Variants in IL4R observed in about 807,000 individuals in gnomAD.
The protein encoded by IL4R is interleukin 4 receptor, also known as interleukin-4 receptor subunit alpha.
Under a neutral mutation model 41.5 loss-of-function variants are expected in IL4R, and 17 were observed. The ratio of observed to expected loss-of-function variants is 0.41; its 90% confidence interval spans 0.28 to 0.61. The LOEUF (loss-of-function observed/expected upper bound fraction) is 0.61. Among genes scored for constraint, IL4R ranks in the 20% least tolerant of loss-of-function variants. IL4R has a pLI of 0.31. For synonymous variants in IL4R, 402 were observed against 422.9 expected (o/e 0.95, Z 0.61); for missense variants, 974 against 1,043.1 (o/e 0.93, Z 0.91).
At position 27,363,262 on chromosome 16, in the gene IL4R, T is replaced by C. The variant is rs1341472995; in HGVS notation, c.1910T>C (p.Leu637Pro). ...GEEGYKPFQD[L>P]IPGCPGDPAP... is the part of the protein sequence containing the mutation. ...GAGGGGTATAAGCCTTTCCAAGACCTCATTCCTGGCTGCCCTGGGGACCCT... is the reference window on the plus strand; with the variant it reads ...GAGGGGTATAAGCCTTTCCAAGACCCCATTCCTGGCTGCCCTGGGGACCCT... Residue 637 changes from leucine to proline, a missense_variant, in exon 11 of 11, where the codon CTC becomes CCC. Physicochemically the swap from Leu to Pro is moderately conservative, Grantham distance 98. Around this residue, in one of 3 missense-constraint regions of IL4R, gnomAD observed 682 missense variants for 704.3 expected, o/e 0.97. Coordinates refer to ENST00000395762, the MANE Select transcript of IL4R (RefSeq NM_000418.4). The C allele has an allele frequency of 6.2e-7, 1 of 1,602,094 alleles. No individual in the cohort carries two copies.
At chr16:27,341,586 G>A (rs1326490981) in intron 3 of IL4R, among the ~76,000 whole-genome samples, 2 of 152,088 alleles carry the variant, frequency 1.3e-5, no homozygotes, top group African/African-American at 2.4e-5. Flanking sequence ...GAAGGACCCC[G>A]ATGTCTCCTC....
intron 1 of IL4R, among the ~76,000 whole-genome samples, chr16:27,320,079 C>A (rs1033641209): frequency 6.6e-6 from 1 of 152,092 alleles, no homozygotes; most frequent in African/African-American, 2.4e-5. Context: ...GTTGGCCAGG[C>A]TGGTGTCGAA....
intron 2 of IL4R, 62 bp downstream of exon 2, chr16:27,330,260 G>T (rs1355664472): frequency 6.6e-6 from 1 of 151,750 alleles, no homozygotes; most frequent in East Asian, 1.9e-4. Context: ...ATGGTGGCTT[G>T]CCTGTAGTCC....
Position 27,362,668 on chromosome 16 carries a change from C to T in IL4R, c.1316C>T (p.Thr439Met), listed in dbSNP as rs770280409. Reference sequence around the variant, plus strand: ...TGCCTTCTTCCACCTTCGGGAAGTACGAGTGCTCACATGCCCTGGGATGAG... The same window carrying T: ...TGCCTTCTTCCACCTTCGGGAAGTATGAGTGCTCACATGCCCTGGGATGAG... Reference protein sequence around the residue: ...ESCLLPPSGSTSAHMPWDEFP... With the variant: ...ESCLLPPSGSMSAHMPWDEFP... The change falls in exon 11 of 11, where the codon ACG (threonine) becomes ATG (methionine). Residue 439 changes from threonine to methionine, a missense_variant. Transcript: ENST00000395762. 26 of 1,613,984 alleles carry T rather than the reference C, an allele frequency of 1.6e-5. No homozygotes were observed. Among genetic ancestry groups the T allele is most frequent in the Admixed American group, 1.7e-5 (1 of 60,000 alleles).
At chr16:27,354,652 T>C (rs987042413) in intron 7 of IL4R, among the ~76,000 whole-genome samples, 50 of 152,156 alleles carry the variant, frequency 3.3e-4, no homozygotes, top group African/African-American at 1.2e-3. Flanking sequence ...AGCTGTTGAG[T>C]GAAGAAGACT....
intron 1 of IL4R, 143 bp downstream of exon 1, chr16:27,314,163 T>G (rs1392385696): frequency 1.1e-6 from 1 of 944,704 alleles, no homozygotes. Context: ...CCCGCGACTC[T>G]CGGTGCGCGC....
At chr16:27,344,828 G>A (rs1259988220) in intron 4 of IL4R, 41 bp from the exon 5 acceptor site, 2 of 1,608,650 alleles carry the variant, frequency 1.2e-6, no homozygotes. Context: ...GGCCCAGCCA[G>A]CCTACAGGTG....
chr16:27,314,829 C>G (rs2084589627), intron 1 of IL4R, among the ~76,000 whole-genome samples: 1 of 152,126 alleles, frequency 6.6e-6, no homozygotes, highest in African/African-American at 2.4e-5. Flanking sequence ...TCAGTAAACC[C>G]AGGAATCTGA....
At chr16:27,350,986 C>T (rs1324405689) in intron 6 of IL4R, among the ~76,000 whole-genome samples, 1 of 152,236 alleles carries the variant, frequency 6.6e-6, no homozygotes, top group African/African-American at 2.4e-5. Context: ...ACCAGCTTCA[C>T]AGCTTTAAAC....
chr16:27,324,532 T>G (rs773848104), intron 1 of IL4R, among the ~76,000 whole-genome samples: 49 of 152,164 alleles, frequency 3.2e-4, no homozygotes, highest in Non-Finnish European at 1.0e-4. Context: ...GAGCTGGCCT[T>G]GCAGTAGGGG....
intron 1 of IL4R, among the ~76,000 whole-genome samples, chr16:27,322,876 C>T (rs1451210091): frequency 2.6e-5 from 4 of 152,170 alleles, no homozygotes; most frequent in Admixed American, 2.6e-4. Context: ...TGATCTTATT[C>T]TCATTTCACA....
At chr16:27,355,985 C>T in intron 8 of IL4R, 78 bp downstream of exon 8, 1 of 880,566 alleles carries the variant, frequency 1.1e-6, no homozygotes, top group Non-Finnish European at 1.9e-6. Context: ...TAGTCTGCCC[C>T]TTTGCAGTCC....
intron 8 of IL4R, 33 bp downstream of exon 8, chr16:27,355,940 C>T (rs553657956): frequency 6.7e-7 from 1 of 1,484,644 alleles, no homozygotes; most frequent in African/African-American, 1.4e-5. Flanking sequence ...CCGAGCAGTC[C>T]CTCTGGAGTG....
chr16:27,328,280 A>G (rs951776877), intron 1 of IL4R, among the ~76,000 whole-genome samples: 1 of 143,504 alleles, frequency 7.0e-6, no homozygotes, highest in Non-Finnish European at 1.5e-5. Flanking sequence ...ACTTTGCTCT[A>G]TTGCCCGGGC....
In IL4R at chr16:27,359,843, C is replaced by T. The variant is rs767759964; in HGVS notation, c.849+849C>T. 116 of 455,578 alleles carry T rather than the reference C, an allele frequency of 2.5e-4. 1 individual carries two copies. The highest frequency in any genetic ancestry group is 1.0e-3 in the Admixed American group (43 of 42,490). 28.2% of individuals were successfully genotyped at this position (455,578 alleles called of 1,614,324 possible). ...GTGTTTGCTGTGTAACAAACGACCC[C>T]GAAATGTAGAGGGTTACAACAACTT... On this transcript the variant is annotated intron_variant, in intron 9 of 10. Coordinates refer to ENST00000395762, the MANE Select transcript of IL4R (RefSeq NM_000418.4).
At chr16:27,342,097 C>G in intron 3 of IL4R, 24 bp from the exon 4 acceptor site, 1 of 1,612,468 alleles carries the variant, frequency 6.2e-7, no homozygotes, top group Non-Finnish European at 8.5e-7. Flanking sequence ...CTGGGCCGCT[C>G]AGGCTGCTCC....
chr16:27,363,613 C>A lies in IL4R; in HGVS notation c.2261C>A (p.Pro754His), dbSNP rs2086386882. Residue 754 changes from proline (P) to histidine (H), a missense_variant, in exon 11 of 11, where the codon CCC becomes CAC. Physicochemically the swap from Pro to His is moderately conservative, Grantham distance 77. This residue lies in a region of IL4R where 682 missense variants were observed against 704.3 expected (regional missense o/e 0.97). Coordinates refer to ENST00000395762, the MANE Select transcript of IL4R (RefSeq NM_000418.4). ...CGCCCGDRSS[P>H]PTTPLRAPDP... ...TGCTGCTGTGGAGACAGGTCCTCGCCCCCTACAACCCCCCTGAGGGCCCCA... is the reference window on the plus strand; with the variant it reads ...TGCTGCTGTGGAGACAGGTCCTCGCACCCTACAACCCCCCTGAGGGCCCCA... 1.2e-6 allele frequency: 2 copies of A among 1,613,826 alleles called. No homozygotes were observed. Among genetic ancestry groups the A allele is most frequent in the African/African-American group, 2.7e-5 (2 of 74,916 alleles).
At chr16:27,346,025 G>T (rs79825192) in intron 5 of IL4R, among the ~76,000 whole-genome samples, 1 of 151,468 alleles carries the variant, frequency 6.6e-6, no homozygotes, top group Admixed American at 6.6e-5. Context: ...CTGAAGTTTG[G>T]GTTACTTTGG....
At chr16:27,342,370 TGCTGCTGTTTATATGGTGTTAGAGG>T (rs1455200924) in intron 4 of IL4R, 111 bp downstream of exon 4, 2 of 1,338,918 alleles carry the variant, frequency 1.5e-6, no homozygotes, top group Non-Finnish European at 2.1e-6. Flanking sequence ...GAGTATGGTT[TGCTGCTGTTTATATGGTGTTAGAGG>T]GGAGGTCCCA....
Sources: gnomAD v4.1 joint callset for allele counts (sites outside exome capture counted in the v4.1 genomes callset) on GRCh38, gnomAD v4.1.1 for gene constraint, gnomAD v4.1.1 regional missense constraint, MANE v1.5 for transcripts, NCBI Gene and HGNC (gene_info 2026-07-23, HGNC 2026-07-21) for gene names.